Variants in DTWD1 observed in about 807,000 individuals in gnomAD.
The protein encoded by DTWD1 is tRNA-uridine aminocarboxypropyltransferase 1.
Under a neutral mutation model 30.2 loss-of-function variants are expected in DTWD1, and 27 were observed. The ratio of observed to expected loss-of-function variants is 0.90; its 90% CI spans 0.66 to 1.23. The LOEUF is 1.23. DTWD1 is among the 50% of genes most tolerant of loss of function. The probability of loss-of-function intolerance (pLI) is 0.00; values close to 1 mark genes in which losing one functional copy is unlikely to be tolerated. For missense variants in DTWD1, 342 were observed against 348.8 expected, an observed-to-expected ratio of 0.98 and a Z score of 0.15; for synonymous variants, 99 against 113.1, an observed-to-expected ratio of 0.88 and a Z score of 0.79.
At chr15:49,630,779 G>A (rs1211176307) in intron 2 of DTWD1, 1 of 171,394 alleles carries the variant, frequency 5.8e-6, no homozygotes, top group Non-Finnish European at 1.3e-5. Flanking sequence ...CACACCAAGA[G>A]GTGAGCTGCT....
chr15:49,625,042 AT>A (rs2078821726), intron 1 of DTWD1, 70 bp from the exon 2 acceptor site: 4 of 983,350 alleles, frequency 4.1e-6, no homozygotes, highest in Non-Finnish European at 5.9e-6. Flanking sequence ...AAATTGAGTA[AT>A]TTTCTTTGTA....
rs2079169547 is a variant in DTWD1, at chr15:49,654,725, G to A, written c.*11147G>A. 1 of 151,974 alleles carries A rather than the reference G, an allele frequency of 6.6e-6. No individual in the cohort carries two copies. The highest frequency in any genetic ancestry group is 2.1e-4 in the South Asian group (1 of 4,822). The allele number at this position is 151,974 out of a possible 1,614,324, so 9.4% of individuals were successfully genotyped here. A position where few individuals can be genotyped will look rare whatever the true frequency, so the allele number is the denominator to read the frequency against. Reference sequence around the variant, plus strand: ...CAGTGTAGTAAGAGTGGAGAGAAAGGCCACCTAAGGAAGAACTGAGACGTC... The same window carrying A: ...CAGTGTAGTAAGAGTGGAGAGAAAGACCACCTAAGGAAGAACTGAGACGTC... On this transcript the variant is annotated 3_prime_UTR_variant, in exon 5 of 5. Transcript: ENST00000403028.
chr15:49,625,243 C>T lies in DTWD1; in HGVS notation c.76C>T (p.Gln26Ter), dbSNP rs764133007. The T allele has an allele frequency of 7.4e-6, 12 of 1,613,294 alleles. No individual in the cohort carries two copies. The highest frequency in any genetic ancestry group is 1.0e-5 in the Non-Finnish European group (12 of 1,179,614). ...AAAATTTGTGGAAACAAAACAGTCA[C>T]AAACTACTTCCATAGCTTCAGAAGA... ...SSKFVETKQS[Q>*]TTSIASEDPL... The change falls in exon 2 of 5, where the codon CAA (glutamine) becomes TAA (stop). Residue 26 changes from glutamine to a stop codon, truncating the protein, a stop_gained. Transcript: ENST00000403028. LOFTEE classifies it high-confidence loss of function.
rs1269331859 is a variant in DTWD1, at chr15:49,654,734, G to A, written c.*11156G>A. 2 of 152,030 alleles carry A rather than the reference G, an allele frequency of 1.3e-5. No homozygotes were observed. The highest frequency in any genetic ancestry group is 2.4e-5 in the African/African-American group (1 of 41,404). The allele number at this position is 152,030 out of a possible 1,614,324, so 9.4% of individuals were successfully genotyped here. Reference sequence around the variant, plus strand: ...AAGAGTGGAGAGAAAGGCCACCTAAGGAAGAACTGAGACGTCCCAGTCAAT... The same window carrying A: ...AAGAGTGGAGAGAAAGGCCACCTAAAGAAGAACTGAGACGTCCCAGTCAAT... On this transcript the variant is annotated 3_prime_UTR_variant, in exon 5 of 5. Transcript: ENST00000403028.
chr15:49,628,930 A>G (rs747416925), intron 2 of DTWD1, among the ~76,000 whole-genome samples: 5 of 151,990 alleles, frequency 3.3e-5, no homozygotes, highest in African/African-American at 4.8e-5. Flanking sequence ...GTGCCCTGGT[A>G]GTTTGCTGCA....
intron 4 of DTWD1, among the ~76,000 whole-genome samples, chr15:49,635,971 C>G (rs1278568278): frequency 6.6e-6 from 1 of 152,130 alleles, no homozygotes; most frequent in Admixed American, 6.5e-5. Context: ...TATAATCTTT[C>G]TCATCCAGCT....
chr15:49,634,919 A>T, intron 4 of DTWD1, 125 bp downstream of exon 4: 1 of 863,812 alleles, frequency 1.2e-6, no homozygotes, highest in Non-Finnish European at 1.7e-6. Context: ...TATTTACTTT[A>T]TTTCTCTCTT....
chr15:49,633,049 CTATATATA>C (rs1555588610), intron 3 of DTWD1, among the ~76,000 whole-genome samples: 8 of 117,316 alleles, frequency 6.8e-5, no homozygotes, highest in Non-Finnish European at 1.0e-4. Flanking sequence ...ATATCTATAT[CTATATATA>C]TATATATATA....
chr15:49,634,720 C>T lies in DTWD1; in HGVS notation c.593C>T (p.Thr198Ile). 2 of 1,609,228 alleles carry T rather than the reference C, an allele frequency of 1.2e-6. No individual in the cohort carries two copies. The highest frequency in any genetic ancestry group is 1.7e-6 in the Non-Finnish European group (2 of 1,177,804). ...DLNDSKCKGTTLKKIIFIDST... is the reference protein window; with the variant it reads ...DLNDSKCKGTILKKIIFIDST... ...AATGACAGCAAGTGCAAAGGCACAA[C>T]ACTGAAAAAAATTATATTTATAGAT... Residue 198 changes from threonine to isoleucine, a missense_variant, in exon 4 of 5, where the codon ACA becomes ATA. Transcript: ENST00000403028.
At position 49,653,778 on chromosome 15, in the gene DTWD1, C is replaced by A. The variant is rs1018907935; in HGVS notation, c.*10200C>A. On this transcript the variant is annotated 3_prime_UTR_variant, in exon 5 of 5. Coordinates refer to ENST00000403028, the MANE Select transcript of DTWD1 (RefSeq NM_001144955.2). ...TATTATGGCTGCATCTCATAATGTACAGGAAGACATTTACTGAGTGAACTA... is the reference window on the plus strand; with the variant it reads ...TATTATGGCTGCATCTCATAATGTAAAGGAAGACATTTACTGAGTGAACTA... The A allele has an allele frequency of 6.6e-6, 1 of 152,010 alleles. No homozygotes were observed. Among genetic ancestry groups the A allele is most frequent in the Admixed American group, 6.6e-5 (1 of 15,228 alleles). The allele number at this position is 152,010 out of a possible 1,614,324, so 9.4% of individuals were successfully genotyped here.
rs1273682501 is a variant in DTWD1 at position 49,650,641 on chromosome 15, A to G, written c.*7063A>G. Reference sequence around the variant, plus strand: ...TATCAGCACTTCATCTGCAACAGCTATAGAAAAAGCTTCACCTGAGGTTAC... The same window carrying G: ...TATCAGCACTTCATCTGCAACAGCTGTAGAAAAAGCTTCACCTGAGGTTAC... On this transcript the variant is annotated 3_prime_UTR_variant, in exon 5 of 5. Coordinates refer to ENST00000403028, the MANE Select transcript of DTWD1 (RefSeq NM_001144955.2). 1 of 152,196 alleles carries G rather than the reference A, an allele frequency of 6.6e-6. No individual in the cohort carries two copies. Among genetic ancestry groups the G allele is most frequent in the South Asian group, 2.1e-4 (1 of 4,824 alleles). The allele number at this position is 152,196 out of a possible 1,614,324, so 9.4% of individuals were successfully genotyped here. A position where few individuals can be genotyped will look rare whatever the true frequency, so the allele number is the denominator to read the frequency against.
rs1487557922 is a variant in DTWD1, at chr15:49,656,100, A to G, written c.*12522A>G. On this transcript the variant is annotated 3_prime_UTR_variant, in exon 5 of 5. Transcript: ENST00000403028. The stretch of plus-strand genomic sequence containing the variant: ...TGAAGCAGAAAGAAAGATGAATAAA[A>G]GTTCTGGTTTTACTTTTAAAAGTGA... 1 of 152,044 alleles carries G rather than the reference A, an allele frequency of 6.6e-6. No homozygotes were observed. The highest frequency in any genetic ancestry group is 1.5e-5 in the Non-Finnish European group (1 of 67,954). 9.4% of individuals were successfully genotyped at this position (152,044 alleles called of 1,614,324 possible). A position where few individuals can be genotyped will look rare whatever the true frequency, so the allele number is the denominator to read the frequency against.
chr15:49,643,575 T>G lies in DTWD1; in HGVS notation c.912T>G (p.His304Gln). 6.3e-7 allele frequency: 1 copy of G among 1,588,568 alleles called. No individual in the cohort carries two copies. The highest frequency in any genetic ancestry group is 8.5e-7 in the Non-Finnish European group (1 of 1,170,748). Residue 304 changes from histidine (H) to glutamine (Q), a missense_variant, in exon 5 of 5, where the codon CAT (histidine) becomes CAG (glutamine). Coordinates refer to ENST00000403028, the MANE Select transcript of DTWD1 (RefSeq NM_001144955.2). ...SGDKETGKLT[H>Q] Reference sequence around the variant, plus strand: ...ATAAGGAAACAGGAAAACTTACACATTAGTTTTTAACAAGCCACTTATGTC... The same window carrying G: ...ATAAGGAAACAGGAAAACTTACACAGTAGTTTTTAACAAGCCACTTATGTC...
Position 49,650,532 on chromosome 15 carries a change from T to C in DTWD1, c.*6954T>C, listed in dbSNP as rs1259737944. ...CAGATAGTTTAGACATTGTGGTAGA[T>C]ATGAAAATGTGCTGCCTATATCCCC... On this transcript the variant is annotated 3_prime_UTR_variant, in exon 5 of 5. Transcript: ENST00000403028. 2.0e-5 allele frequency: 3 copies of C among 152,274 alleles called. No individual in the cohort carries two copies. Among genetic ancestry groups the C allele is most frequent in the Admixed American group, 6.5e-5 (1 of 15,292 alleles). The allele number at this position is 152,274 out of a possible 1,614,324, so 9.4% of individuals were successfully genotyped here. A position where few individuals can be genotyped will look rare whatever the true frequency, so the allele number is the denominator to read the frequency against.
rs1244626314 is a variant in DTWD1, at chr15:49,655,450, T to C, written c.*11872T>C. Reference sequence around the variant, plus strand: ...ATTTTTTTTTCATACTCCCGTGTTTTTTTTAGTCCATGCTGGTGGTATCCT... The same window carrying C: ...ATTTTTTTTTCATACTCCCGTGTTTCTTTTAGTCCATGCTGGTGGTATCCT... On this transcript the variant is annotated 3_prime_UTR_variant, in exon 5 of 5. Transcript: ENST00000403028. 2 of 152,012 alleles carry C rather than the reference T, an allele frequency of 1.3e-5. No individual in the cohort carries two copies. The highest frequency in any genetic ancestry group is 2.4e-5 in the African/African-American group (1 of 41,422). The allele number at this position is 152,012 out of a possible 1,614,324, so 9.4% of individuals were successfully genotyped here.
In DTWD1 at chr15:49,632,224, T is replaced by C. The variant is rs761040762; in HGVS notation, c.330T>C (p.His110=). 1.9e-6 allele frequency: 3 copies of C among 1,601,272 alleles called. No individual in the cohort carries two copies. The highest frequency in any genetic ancestry group is 4.5e-5 in the East Asian group (2 of 44,290). Residue 110 remains histidine, a synonymous_variant, in exon 3 of 5, where the codon CAT becomes CAC. Transcript: ENST00000403028. ...NETDGKSTAI[H]AKLLAPEFVN... The stretch of plus-strand genomic sequence containing the variant: ...CAGATGGCAAAAGTACTGCTATACA[T>C]GCAAAACTCTTAGCACCTGAATTTG...
chr15:49,631,573 G>T (rs1037125718), intron 2 of DTWD1, among the ~76,000 whole-genome samples: 2 of 152,058 alleles, frequency 1.3e-5, no homozygotes, highest in African/African-American at 4.8e-5. Context: ...GACCAACCTG[G>T]CCAACATGGT....
rs1361297861 is a variant in DTWD1 at position 49,651,162 on chromosome 15, A to G, written c.*7584A>G. 6.6e-6 allele frequency: 1 copy of G among 152,180 alleles called. No homozygotes were observed. The highest frequency in any genetic ancestry group is 1.9e-4 in the East Asian group (1 of 5,190). 9.4% of individuals were successfully genotyped at this position (152,180 alleles called of 1,614,324 possible). On this transcript the variant is annotated 3_prime_UTR_variant, in exon 5 of 5. Coordinates refer to ENST00000403028, the MANE Select transcript of DTWD1 (RefSeq NM_001144955.2). ...AAGAGGGCTTCTTTGGTTGCATACA[A>G]ATCTCATCTAGAATTTAATAGTCCA...
intron 1 of DTWD1, among the ~76,000 whole-genome samples, chr15:49,624,207 A>G (rs2078808349): frequency 6.6e-6 from 1 of 152,212 alleles, no homozygotes; most frequent in South Asian, 2.1e-4. Flanking sequence ...GAGTCACAGC[A>G]TTTCTCTTGT....
Sources: allele counts gnomAD v4.1 joint callset (sites outside exome capture counted in the v4.1 genomes callset), GRCh38; gene constraint gnomAD v4.1.1; transcripts MANE v1.5; gene names NCBI Gene and HGNC (gene_info 2026-07-23, HGNC 2026-07-21).